The following SEPTIN9 variants were observed in gnomAD, a reference collection of about 807,000 sequenced individuals.
SEPTIN9 encodes septin-9.
In SEPTIN9, 13 loss-of-function variants were observed where a neutral mutation model predicts 56.6. The ratio of observed to expected loss-of-function variants is 0.23; its 90% CI spans 0.15 to 0.37. The LOEUF is 0.37. Ranked by LOEUF, SEPTIN9 falls within the 10% of genes least tolerant of loss-of-function variation. The probability of loss-of-function intolerance (pLI) is 1.00; values close to 1 mark genes in which losing one functional copy is unlikely to be tolerated. For synonymous variants in SEPTIN9, 332 were observed against 334.1 expected (o/e 0.99, Z 0.07); for missense variants, 650 against 823.1 (o/e 0.79, Z 2.57).
chr17:77,486,953 C>T (rs1360389922), intron 4 of SEPTIN9, among the ~76,000 whole-genome samples: 1 of 152,196 alleles, frequency 6.6e-6, no homozygotes, highest in East Asian at 1.9e-4. Flanking sequence ...TTGCCCAGGC[C>T]CTGGCCGGTC....
At chr17:77,498,466 G>T (rs1025833297) in intron 11 of SEPTIN9, 57 bp from the exon 12 acceptor site, 1 of 352,694 alleles carries the variant, frequency 2.8e-6, no homozygotes, top group Non-Finnish European at 5.7e-6. Flanking sequence ...CCCCTGCCCC[G>T]CTGCCCCCAC....
chr17:77,473,769 GT>G (rs2039100917), intron 3 of SEPTIN9, among the ~76,000 whole-genome samples: 1 of 152,076 alleles, frequency 6.6e-6, no homozygotes. Context: ...TGCCACCACT[GT>G]TTTCATTCTG....
chr17:77,324,608 C>T (rs1223122070), intron 2 of SEPTIN9, among the ~76,000 whole-genome samples: 2 of 152,174 alleles, frequency 1.3e-5, no homozygotes, highest in Non-Finnish European at 2.9e-5. Context: ...TGATGTTGAG[C>T]ATCTTTTCGT....
At chr17:77,339,782 C>T (rs755444506) in intron 2 of SEPTIN9, among the ~76,000 whole-genome samples, 5 of 150,396 alleles carry the variant, frequency 3.3e-5, no homozygotes, top group Non-Finnish European at 3.0e-5. Flanking sequence ...AGCATTGGGA[C>T]TACAGGCATG....
rs1185505510 is a variant in SEPTIN9, at chr17:77,323,933, A to G, written c.76+16736A>G. The G allele has an allele frequency of 6.6e-6, 1 of 152,176 alleles. No homozygotes were observed. The highest frequency in any genetic ancestry group is 1.5e-5 in the Non-Finnish European group (1 of 68,044). The allele number at this position is 152,176 out of a possible 1,614,324, so 9.4% of individuals were successfully genotyped here. A position where few individuals can be genotyped will look rare whatever the true frequency, so the allele number is the denominator to read the frequency against. ...AGTGCCACAAACTGGGTGGCTCAAA[A>G]CACCAGACATTTCTTCTCTCGCCGT... On this transcript the variant is annotated intron_variant, in intron 2 of 11. Transcript: ENST00000427177. This position sits in a 1 kb window ranked among gnomAD's most constrained non-coding sequence, Gnocchi z 6.8.
chr17:77,443,045 A>G (rs2088208788), intron 3 of SEPTIN9, among the ~76,000 whole-genome samples: 1 of 152,122 alleles, frequency 6.6e-6, no homozygotes, highest in South Asian at 2.1e-4. Context: ...AGTTGCTCCC[A>G]GGGAGCAGAT....
chr17:77,437,161 GATT>G lies in SEPTIN9; in HGVS notation c.721+34459_721+34461del, dbSNP rs1268226844. 6.6e-6 allele frequency among the ~76,000 whole-genome samples: 1 copy of G among 152,228 alleles called. No individual in the cohort carries two copies. Among genetic ancestry groups the G allele is most frequent in the Non-Finnish European group, 1.5e-5 (1 of 68,038 alleles). On this transcript the variant is annotated intron_variant, in intron 3 of 11. Coordinates refer to ENST00000427177, the MANE Select transcript of SEPTIN9 (RefSeq NM_001113491.2). The surrounding 1 kb of genome is among the most constrained non-coding windows in gnomAD (Gnocchi z 5.3). ...GACACCCCCGTGTGGCAGCTGCTGT[GATT>G]CTGTGACTCCTCCTCACCCCACCCC...
rs1335088591 is a variant in SEPTIN9 at position 77,485,060 on chromosome 17, G to A, written c.914-2364G>A. ...GGGGGTGATGGTGGTGATTGTGGTG[G>A]TGGTAATGGTGATGGTGGTAAAGGG... is the stretch of plus-strand genomic sequence containing the variant. On this transcript the variant is annotated intron_variant, in intron 4 of 11. Transcript: ENST00000427177. Among the ~76,000 whole-genome samples the A allele has an allele frequency of 1.0e-4, 2 of 19,076 alleles. 1 individual carries two copies. The highest frequency in any genetic ancestry group is 3.9e-4 in the Non-Finnish European group (2 of 5,106). 12.5% of individuals were successfully genotyped at this position (19,076 alleles called of 152,430 possible).
At chr17:77,418,853 A>G (rs1266953380) in intron 3 of SEPTIN9, among the ~76,000 whole-genome samples, 1 of 152,016 alleles carries the variant, frequency 6.6e-6, no homozygotes, top group Non-Finnish European at 1.5e-5. Flanking sequence ...GACCCGGTGC[A>G]TGGGGTGCTT....
intron 2 of SEPTIN9, among the ~76,000 whole-genome samples, chr17:77,378,414 G>T (rs1485199004): frequency 6.6e-6 from 1 of 152,204 alleles, no homozygotes; most frequent in African/African-American, 2.4e-5. Flanking sequence ...CTCTTTGAGG[G>T]TTGCTGGGGG....
chr17:77,491,251 C>T (rs2040013756), intron 8 of SEPTIN9, among the ~76,000 whole-genome samples: 1 of 151,842 alleles, frequency 6.6e-6, no homozygotes, highest in Admixed American at 6.6e-5. Flanking sequence ...GGGTCTGGCT[C>T]AGTTGCCAAG....
chr17:77,295,395 ACAAAGGTGGGACT>A (rs983748236), intron 1 of SEPTIN9, among the ~76,000 whole-genome samples: 14 of 152,228 alleles, frequency 9.2e-5, no homozygotes, highest in African/African-American at 3.1e-4. Context: ...GGGAGCCCAA[ACAAAGGTGGGACT>A]CTGGCAGGAG....
At chr17:77,305,521 C>T (rs928244789) in intron 1 of SEPTIN9, among the ~76,000 whole-genome samples, 12 of 152,116 alleles carry the variant, frequency 7.9e-5, no homozygotes, top group African/African-American at 2.9e-4. Flanking sequence ...GGAGTCACGA[C>T]CCACACCCTC....
At chr17:77,403,466 T>G (rs1474377763) in intron 3 of SEPTIN9, among the ~76,000 whole-genome samples, 2 of 152,224 alleles carry the variant, frequency 1.3e-5, no homozygotes, top group Non-Finnish European at 2.9e-5. Flanking sequence ...ACAGCCGTGC[T>G]GACATGGAGC....
chr17:77,417,196 T>C (rs1157752817), intron 3 of SEPTIN9, among the ~76,000 whole-genome samples: 5 of 152,122 alleles, frequency 3.3e-5, no homozygotes, highest in Non-Finnish European at 5.9e-5. Context: ...CAGAGCATTG[T>C]GATTTTACTT....
At chr17:77,281,915 T>TGGAG in intron 1 of SEPTIN9, 1 of 281,798 alleles carries the variant, frequency 3.5e-6, no homozygotes, top group Non-Finnish European at 6.7e-6. Context: ...GGTGGAGGGG[T>TGGAG]GTCCTTGGGT....
chr17:77,390,155 G>C, intron 2 of SEPTIN9, among the ~76,000 whole-genome samples: 1 of 151,900 alleles, frequency 6.6e-6, no homozygotes, highest in Middle Eastern at 3.4e-3. Flanking sequence ...TGTGGTCCTG[G>C]TTCTGCTCTG....
At position 77,429,099 on chromosome 17, in the gene SEPTIN9, G is replaced by A. The variant is rs537885296; in HGVS notation, c.721+26396G>A. On this transcript the variant is annotated intron_variant, in intron 3 of 11. Coordinates refer to ENST00000427177, the MANE Select transcript of SEPTIN9 (RefSeq NM_001113491.2). This position sits in a 1 kb window ranked among gnomAD's most constrained non-coding sequence, Gnocchi z 5.2. ...TCTTGGCTATTTGTGCCCCAGCTCC[G>A]TGTCCTCCGGTGTGTGTGAGGCCAA... 47 of 471,630 alleles carry A rather than the reference G, an allele frequency of 1.0e-4. No homozygotes were observed. Among genetic ancestry groups the A allele is most frequent in the African/African-American group, 8.2e-4 (41 of 50,194 alleles). 29.2% of individuals were successfully genotyped at this position (471,630 alleles called of 1,614,324 possible). A position where few individuals can be genotyped will look rare whatever the true frequency, so the allele number is the denominator to read the frequency against.
chr17:77,376,099 C>A, intron 2 of SEPTIN9: 1 of 986,078 alleles, frequency 1.0e-6, no homozygotes, highest in Non-Finnish European at 1.2e-6. Context: ...ATGGAGGAGG[C>A]GGACCTTGAG....
Sources: allele counts gnomAD v4.1 joint callset (sites outside exome capture counted in the v4.1 genomes callset), GRCh38; gene constraint gnomAD v4.1.1; non-coding constraint Gnocchi (gnomAD v3.1); transcripts MANE v1.5; gene names NCBI Gene and HGNC (gene_info 2026-07-23, HGNC 2026-07-21).